CNTN5: variants seen among roughly 807,000 people sequenced by gnomAD.
The protein encoded by CNTN5 is contactin-5.
In CNTN5, 77 loss-of-function variants were observed where a neutral mutation model predicts 129.1. The observed-to-expected ratio is 0.60, with a 90% CI of 0.50 to 0.72. The LOEUF is 0.72. Among genes scored for constraint, CNTN5 ranks in the 30% least tolerant of loss-of-function variants. The pLI is 0.00. For synonymous variants in CNTN5, 509 were observed against 465.6 expected, an observed-to-expected ratio of 1.09 and a Z score of -1.20; for missense variants, 1,478 against 1,328.8, an observed-to-expected ratio of 1.11 and a Z score of -1.75.
intron 13 of CNTN5, among the ~76,000 whole-genome samples, chr11:100,150,779 A>G (rs75828565): frequency 3.3e-5 from 5 of 152,068 alleles, no homozygotes; most frequent in African/African-American, 1.2e-4. Context: ...ATTAACAACA[A>G]TATTGCATTG....
rs1950678443 is a variant in CNTN5 at position 99,951,602 on chromosome 11, T to C, written c.674-5204T>C. On this transcript the variant is annotated intron_variant, in intron 7 of 24. Transcript: ENST00000524871. ...ACTACCTAAAATTTAATATCCCTTATCTCTAATATTTCATCTAACTTACCT... is the reference window on the plus strand; with the variant it reads ...ACTACCTAAAATTTAATATCCCTTACCTCTAATATTTCATCTAACTTACCT... Among the ~76,000 whole-genome samples, 3 of 152,336 alleles carry C rather than the reference T, an allele frequency of 2.0e-5. No individual in the cohort carries two copies. In the South Asian group the frequency reaches 6.2e-4, roughly 32 times the overall value.
At chr11:99,332,096 C>G (rs1362227362) in intron 2 of CNTN5, among the ~76,000 whole-genome samples, 1 of 152,066 alleles carries the variant, frequency 6.6e-6, no homozygotes, top group African/African-American at 2.4e-5. Flanking sequence ...TGTTATATAG[C>G]AATAGCTAAC....
intron 8 of CNTN5, among the ~76,000 whole-genome samples, chr11:99,997,441 C>G (rs535077752): frequency 9.1e-4 from 139 of 152,256 alleles, no homozygotes; most frequent in African/African-American, 3.0e-3. Flanking sequence ...TACACTCTCC[C>G]AAGACTAAAC....
intron 24 of CNTN5, among the ~76,000 whole-genome samples, chr11:100,355,880 T>C (rs1395020371): frequency 6.6e-6 from 1 of 151,774 alleles, no homozygotes; most frequent in Non-Finnish European, 1.5e-5. Flanking sequence ...AATCTCATGA[T>C]TGGATGTGTT....
At chr11:99,104,832 AAC>A (rs1866921125) in intron 1 of CNTN5, among the ~76,000 whole-genome samples, 1 of 152,142 alleles carries the variant, frequency 6.6e-6, no homozygotes, top group African/African-American at 2.4e-5. Context: ...ATTGATCAGG[AAC>A]AATATTTTAA....
At chr11:99,199,743 C>G (rs1050730609) in intron 1 of CNTN5, among the ~76,000 whole-genome samples, 3 of 152,168 alleles carry the variant, frequency 2.0e-5, no homozygotes, top group Non-Finnish European at 4.4e-5. Flanking sequence ...ATTAGCCAAA[C>G]AATTGGTTAG....
At chr11:100,127,476 T>C (rs935032775) in intron 13 of CNTN5, among the ~76,000 whole-genome samples, 2 of 151,960 alleles carry the variant, frequency 1.3e-5, no homozygotes, top group African/African-American at 4.8e-5. Flanking sequence ...TATAATTGTA[T>C]AGCAGGAATA....
At chr11:99,421,649 G>A (rs1044279052) in intron 2 of CNTN5, among the ~76,000 whole-genome samples, 3 of 152,030 alleles carry the variant, frequency 2.0e-5, no homozygotes, top group African/African-American at 7.2e-5. Flanking sequence ...GGATGACACC[G>A]CATTGCATGT....
At chr11:99,042,728 G>A (rs1011405598) in intron 1 of CNTN5, among the ~76,000 whole-genome samples, 4 of 152,110 alleles carry the variant, frequency 2.6e-5, no homozygotes, top group Non-Finnish European at 5.9e-5. Flanking sequence ...TATTTAGCAA[G>A]CAGTACAATG....
intron 2 of CNTN5, among the ~76,000 whole-genome samples, chr11:99,504,334 A>G (rs1025339524): frequency 1.3e-5 from 2 of 152,048 alleles, no homozygotes; most frequent in African/African-American, 4.8e-5. Flanking sequence ...TGAGGGCAGG[A>G]GATCGAGACC....
chr11:99,282,402 G>C (rs563731826), intron 1 of CNTN5, among the ~76,000 whole-genome samples: 12 of 152,046 alleles, frequency 7.9e-5, no homozygotes, highest in African/African-American at 2.9e-4. Flanking sequence ...ACCAAAAAGG[G>C]AATAACATTT....
chr11:99,951,854 A>G (rs1821313621), intron 7 of CNTN5, among the ~76,000 whole-genome samples: 1 of 152,194 alleles, frequency 6.6e-6, no homozygotes, highest in Non-Finnish European at 1.5e-5. Flanking sequence ...GAAGTTTAAT[A>G]TGTGAAAATA....
chr11:99,888,334 G>A (rs928986126), intron 6 of CNTN5, among the ~76,000 whole-genome samples: 1 of 152,104 alleles, frequency 6.6e-6, no homozygotes, highest in African/African-American at 2.4e-5. Flanking sequence ...TTTATGATAA[G>A]CATATGTGAC....
chr11:99,809,829 C>T (rs1438029630), intron 3 of CNTN5, among the ~76,000 whole-genome samples: 1 of 152,058 alleles, frequency 6.6e-6, no homozygotes, highest in Non-Finnish European at 1.5e-5. Context: ...TCTGATCTAT[C>T]TTAAACACAC....
chr11:100,296,560 G>C (rs1951103732), intron 18 of CNTN5, among the ~76,000 whole-genome samples: 1 of 151,462 alleles, frequency 6.6e-6, no homozygotes, highest in South Asian at 2.1e-4. Flanking sequence ...TGTGTTCATG[G>C]AGAAAAGGGC....
At chr11:100,146,363 T>C (rs1423017053) in intron 13 of CNTN5, among the ~76,000 whole-genome samples, 2 of 152,178 alleles carry the variant, frequency 1.3e-5, no homozygotes, top group Non-Finnish European at 2.9e-5. Flanking sequence ...TTATAATGAA[T>C]TGCCATTACT....
At chr11:99,245,541 G>A (rs746801699) in intron 1 of CNTN5, among the ~76,000 whole-genome samples, 16 of 152,060 alleles carry the variant, frequency 1.1e-4, no homozygotes, top group Non-Finnish European at 1.9e-4. Flanking sequence ...GGCTGATCTT[G>A]AACTCCTGAC....
chr11:99,064,332 A>G (rs940821077), intron 1 of CNTN5, among the ~76,000 whole-genome samples: 4 of 152,190 alleles, frequency 2.6e-5, no homozygotes, highest in African/African-American at 9.6e-5. Flanking sequence ...CTGTGTACAC[A>G]TTTATAATTC....
chr11:100,275,092 CAA>C (rs1418878202), intron 18 of CNTN5, among the ~76,000 whole-genome samples: 8 of 57,080 alleles, frequency 1.4e-4, no homozygotes, highest in South Asian at 1.1e-3. Context: ...AAAAATTAAA[CAA>C]CCAAAAAAAA....
Sources: gnomAD v4.1 joint callset for allele counts (sites outside exome capture counted in the v4.1 genomes callset) on GRCh38, gnomAD v4.1.1 for gene constraint, MANE v1.5 for transcripts, NCBI Gene and HGNC (gene_info 2026-07-23, HGNC 2026-07-21) for gene names.